MCF2: variants seen among roughly 807,000 people sequenced by gnomAD.
MCF2 encodes proto-oncogene DBL.
A neutral mutation model predicts 82.5 loss-of-function variants in MCF2; 44 were observed. The ratio of observed to expected loss-of-function variants is 0.53; its 90% CI spans 0.42 to 0.69. MCF2 has a LOEUF of 0.69. MCF2 is among the 30% of genes least tolerant of loss of function. The pLI, the probability that MCF2 is intolerant of heterozygous loss-of-function variation, is 0.00. For synonymous variants in MCF2, 217 were observed against 224.9 expected, an observed-to-expected ratio of 0.96 and a Z score of 0.32; for missense variants, 623 against 663.1, an observed-to-expected ratio of 0.94 and a Z score of 0.66.
chrX:139,627,847 G>A (rs1932799306), intron 4 of MCF2, among the ~76,000 whole-genome samples: 1 of 111,826 alleles, frequency 8.9e-6, no homozygotes, highest in African/African-American at 3.3e-5. Flanking sequence ...GAAAAACAGA[G>A]CTTTCTTTCC....
intron 1 of MCF2, among the ~76,000 whole-genome samples, chrX:139,703,147 G>T (rs1349209872): frequency 8.9e-6 from 1 of 111,944 alleles, no homozygotes; most frequent in Non-Finnish European, 1.9e-5. Flanking sequence ...TCTTCTGCAT[G>T]TGTTAATCCC....
At chrX:139,605,772 G>A in exon 13 of MCF2, 2 of 1,183,107 alleles carry the variant, frequency 1.7e-6, no homozygotes, top group Non-Finnish European at 2.3e-6. Context: ...AGTTCATTTA[G>A]TACGTGGCTA....
At chrX:139,632,109 A>T (rs1255385886) in intron 2 of MCF2, among the ~76,000 whole-genome samples, 1 of 111,410 alleles carries the variant, frequency 9.0e-6, no homozygotes, top group Non-Finnish European at 1.9e-5. Context: ...AACATATATG[A>T]CATATATTTT....
chrX:139,661,518 G>A (rs1295527788), intron 1 of MCF2, among the ~76,000 whole-genome samples: 3 of 111,737 alleles, frequency 2.7e-5, no homozygotes, highest in Admixed American at 9.5e-5. Flanking sequence ...GTACAAGCAC[G>A]TATACAACAA....
rs142547841 is a variant in MCF2 at position 139,633,006 on chromosome X, C to G, written c.52-552G>C. On this transcript the variant is annotated intron_variant, in intron 1 of 24. Transcript: ENST00000370576. ...TTCACAAATTAAGAAAACACAATCT[C>G]TACCCAACAGTTCAACTGCAGAGTC... Among the ~76,000 whole-genome samples, 186 of 112,021 alleles carry G rather than the reference C, an allele frequency of 1.7e-3. 1 individual carries two copies. The highest frequency in any genetic ancestry group is 5.8e-3 in the African/African-American group (180 of 30,880).
At chrX:139,702,719 T>C (rs1158172051) in intron 1 of MCF2, among the ~76,000 whole-genome samples, 1 of 112,568 alleles carries the variant, frequency 8.9e-6, no homozygotes, top group African/African-American at 3.2e-5. Flanking sequence ...CAACACAATG[T>C]CACTGAATAC....
chrX:139,617,507 C>T lies in MCF2; in HGVS notation c.999+6G>A, dbSNP rs778221375. On this transcript the variant is annotated splice_donor_region_variant and intron_variant, in intron 8 of 24. Transcript: ENST00000370576. ...TTCAGAAATGGATCATTTCCCATTA[C>T]ACTACCTGCTGTAGGAGTTTATGCA... The T allele has an allele frequency of 2.6e-6, 3 of 1,158,672 alleles. No individual in the cohort carries two copies. The highest frequency in any genetic ancestry group is 3.5e-6 in the Non-Finnish European group (3 of 868,447).
At chrX:139,692,330 T>TCCGGAGC (rs1165427935) in intron 1 of MCF2, among the ~76,000 whole-genome samples, 29 of 111,048 alleles carry the variant, frequency 2.6e-4, no homozygotes, top group African/African-American at 9.5e-4. Context: ...CCGCCAGTCC[T>TCCGGAGC]CCGGAGCCCC....
chrX:139,588,067 T>C (rs946973644), intron 21 of MCF2, among the ~76,000 whole-genome samples: 1 of 111,540 alleles, frequency 9.0e-6, no homozygotes, highest in Non-Finnish European at 1.9e-5. Flanking sequence ...ACTCGAGATA[T>C]TAAGCAGAGT....
chrX:139,656,304 C>T (rs1022888588), intron 1 of MCF2, among the ~76,000 whole-genome samples: 4 of 111,531 alleles, frequency 3.6e-5, no homozygotes, highest in Non-Finnish European at 3.8e-5. Flanking sequence ...CCTCGTGATC[C>T]GCCCGCCTCG....
At chrX:139,628,992 A>T (rs1220656103) in intron 4 of MCF2, among the ~76,000 whole-genome samples, 1 of 111,949 alleles carries the variant, frequency 8.9e-6, no homozygotes, top group East Asian at 2.8e-4. Flanking sequence ...GCTAGCTCAC[A>T]GCAGAGATGG....
intron 15 of MCF2, 29 bp downstream of exon 19, chrX:139,604,652 A>G: frequency 4.1e-6 from 4 of 975,218 alleles, no homozygotes; most frequent in Non-Finnish European, 5.6e-6. Context: ...GTGCATATTT[A>G]TATATATTTA....
intron 19 of MCF2, among the ~76,000 whole-genome samples, chrX:139,596,009 G>C (rs113985943): frequency 5.4e-4 from 60 of 111,570 alleles, no homozygotes; most frequent in Non-Finnish European, 9.4e-4. Context: ...GGACAGATAA[G>C]GAAAGGATTC....
rs114144508 is a variant in MCF2 at position 139,607,932 on chromosome X, G to A, written c.1402-153C>T. Reference sequence around the variant, plus strand: ...ATTTTTTTCAAAATAACTTTGATACGTACTAGTAAAAAGTGATTTAAGTTG... The same window carrying A: ...ATTTTTTTCAAAATAACTTTGATACATACTAGTAAAAAGTGATTTAAGTTG... On this transcript the variant is annotated intron_variant, in intron 11 of 24. Coordinates refer to ENST00000370576, the Ensembl canonical transcript of MCF2. Among the ~76,000 whole-genome samples the A allele has an allele frequency of 8.8e-3, 984 of 111,446 alleles. 12 individuals carry two copies. The highest frequency in any genetic ancestry group is 0.031 in the African/African-American group (950 of 30,710).
At chrX:139,630,507 T>C (rs1307337214) in intron 3 of MCF2, among the ~76,000 whole-genome samples, 1 of 112,271 alleles carries the variant, frequency 8.9e-6, no homozygotes, top group Non-Finnish European at 1.9e-5. Context: ...CTGTTAACCA[T>C]GCATATCAAA....
At chrX:139,705,825 G>C (rs1314093736) in intron 1 of MCF2, among the ~76,000 whole-genome samples, 2 of 112,070 alleles carry the variant, frequency 1.8e-5, no homozygotes, top group Non-Finnish European at 3.8e-5. Context: ...TCTGACAAAG[G>C]TCTAATACTC....
At position 139,642,765 on chromosome X, in the gene MCF2, T is replaced by C. The variant is rs746191874; in HGVS notation, c.-247A>G. The C allele has an allele frequency of 4.4e-5, 45 of 1,027,997 alleles. No homozygotes were observed. The East Asian group carries it at 1.6e-3, about 37-fold the overall frequency. The allele number at this position is 1,027,997 out of a possible 1,213,427, so 84.7% of individuals were successfully genotyped here. A position where few individuals can be genotyped will look rare whatever the true frequency, so the allele number is the denominator to read the frequency against. On this transcript the variant is annotated 5_prime_UTR_variant, in exon 1 of 25. Coordinates refer to ENST00000370576, the Ensembl canonical transcript of MCF2. Reference sequence around the variant, plus strand: ...CTCCTTGTAATTCAGAGTTAACACATTCCTCCAATTACTTAGCCTGATTGA... The same window carrying C: ...CTCCTTGTAATTCAGAGTTAACACACTCCTCCAATTACTTAGCCTGATTGA...
At chrX:139,695,032 C>CTTTTTTTTTTT (rs200562872) in intron 1 of MCF2, among the ~76,000 whole-genome samples, 1 of 94,906 alleles carries the variant, frequency 1.1e-5, no homozygotes. Context: ...TGTATTCTTT[C>CTTTTTTTTTTT]TTTTTTTTTT....
At chrX:139,707,077 G>A (rs1158147563) in intron 1 of MCF2, among the ~76,000 whole-genome samples, 4 of 110,428 alleles carry the variant, frequency 3.6e-5, no homozygotes, top group African/African-American at 1.3e-4. Context: ...AGCCGGCAGA[G>A]TAACCAGCTC....
Sources: gnomAD v4.1 joint callset for allele counts (sites outside exome capture counted in the v4.1 genomes callset) on GRCh38, gnomAD v4.1.1 for gene constraint, MANE v1.5 for transcripts, NCBI Gene and HGNC (gene_info 2026-07-23, HGNC 2026-07-21) for gene names.